GRM8: variants seen among roughly 807,000 people sequenced by gnomAD.
The protein encoded by GRM8 is metabotropic glutamate receptor 8.
GRM8 carries 47 observed loss-of-function variants against 87.2 expected under a neutral mutation model. That is an observed-to-expected ratio of 0.54 (90% CI 0.43 to 0.69). GRM8 has a LOEUF of 0.69. Ranked by LOEUF, GRM8 falls within the 30% of genes least tolerant of loss-of-function variation. The probability of loss-of-function intolerance (pLI) is 0.00; values close to 1 mark genes in which losing one functional copy is unlikely to be tolerated. For synonymous variants in GRM8, 396 were observed against 404.5 expected, an observed-to-expected ratio of 0.98 and a Z score of 0.25; for missense variants, 1,019 against 1,139.2, an observed-to-expected ratio of 0.89 and a Z score of 1.52.
chr7:126,839,383 C>T (rs929631804), intron 6 of GRM8, among the ~76,000 whole-genome samples: 6 of 152,132 alleles, frequency 3.9e-5, no homozygotes, highest in Admixed American at 2.0e-4. Flanking sequence ...TTTATATGCA[C>T]ATGAATATTG....
chr7:126,643,042 G>C (rs1298885600), intron 7 of GRM8, among the ~76,000 whole-genome samples: 1 of 151,932 alleles, frequency 6.6e-6, no homozygotes, highest in Non-Finnish European at 1.5e-5. Context: ...TATAATCCCA[G>C]CATGTTGGGA....
intron 2 of GRM8, among the ~76,000 whole-genome samples, chr7:127,242,298 A>G (rs1798347762): frequency 6.6e-6 from 1 of 152,228 alleles, no homozygotes; most frequent in Non-Finnish European, 1.5e-5. Flanking sequence ...AGTTTCACTC[A>G]GTAAATTAAA....
intron 3 of GRM8, among the ~76,000 whole-genome samples, chr7:127,013,446 C>T (rs1815092113): frequency 6.8e-6 from 1 of 147,920 alleles, no homozygotes; most frequent in South Asian, 2.1e-4. Flanking sequence ...GAAAGGAAGG[C>T]AGGTGCCTGT....
At chr7:126,812,636 A>G (rs566893557) in intron 6 of GRM8, among the ~76,000 whole-genome samples, 69 of 152,102 alleles carry the variant, frequency 4.5e-4, no homozygotes, top group African/African-American at 1.6e-3. Context: ...AGTGTACTTG[A>G]ATTTTGGTAT....
At chr7:126,513,094 T>C (rs1387958172) in intron 9 of GRM8, among the ~76,000 whole-genome samples, 1 of 152,122 alleles carries the variant, frequency 6.6e-6, no homozygotes, top group African/African-American at 2.4e-5. Context: ...TTTCAGACAA[T>C]GGAATTATTT....
At chr7:127,033,730 T>C (rs1475614769) in intron 3 of GRM8, among the ~76,000 whole-genome samples, 1 of 152,134 alleles carries the variant, frequency 6.6e-6, no homozygotes, top group Non-Finnish European at 1.5e-5. Flanking sequence ...AGAAGGGACT[T>C]TCCTAAGTAT....
At chr7:127,011,124 T>C (rs1253072557) in intron 3 of GRM8, among the ~76,000 whole-genome samples, 2 of 152,148 alleles carry the variant, frequency 1.3e-5, no homozygotes, top group East Asian at 3.9e-4. Context: ...AGGAGACATT[T>C]CTTTTGACCA....
At chr7:126,898,649 A>G (rs1172189163) in intron 6 of GRM8, among the ~76,000 whole-genome samples, 1 of 152,248 alleles carries the variant, frequency 6.6e-6, no homozygotes, top group Non-Finnish European at 1.5e-5. Context: ...CATGCCACAG[A>G]ATCTGGATTC....
At chr7:127,034,463 T>C (rs1021620714) in intron 3 of GRM8, among the ~76,000 whole-genome samples, 2 of 152,120 alleles carry the variant, frequency 1.3e-5, no homozygotes, top group South Asian at 4.1e-4. Flanking sequence ...ACTTAAGAGG[T>C]AAAGCAGCTA....
At chr7:126,507,770 GAGCTTGTC>G (rs1562896208) in intron 9 of GRM8, among the ~76,000 whole-genome samples, 34 of 151,822 alleles carry the variant, frequency 2.2e-4, no homozygotes, top group Non-Finnish European at 4.3e-4. Flanking sequence ...CTTCTTTTTC[GAGCTTGTC>G]TATTCTTTTA....
intron 7 of GRM8, among the ~76,000 whole-genome samples, chr7:126,735,922 T>C (rs1391758540): frequency 6.6e-6 from 1 of 152,056 alleles, no homozygotes; most frequent in African/African-American, 2.4e-5. Flanking sequence ...TTTCTTTCCC[T>C]GGATGAGAAT....
At chr7:126,698,644 A>G (rs190669573) in intron 7 of GRM8, among the ~76,000 whole-genome samples, 2 of 152,186 alleles carry the variant, frequency 1.3e-5, no homozygotes, top group Non-Finnish European at 2.9e-5. Flanking sequence ...ACCTTTCCTA[A>G]TCAAGCTATT....
chr7:126,836,831 T>G (rs1795859399), intron 6 of GRM8, among the ~76,000 whole-genome samples: 1 of 152,216 alleles, frequency 6.6e-6, no homozygotes, highest in Non-Finnish European at 1.5e-5. Context: ...ACCATAAGAT[T>G]TCTGAAGTCT....
At chr7:127,036,831 C>T (rs565998521) in intron 3 of GRM8, among the ~76,000 whole-genome samples, 19 of 152,160 alleles carry the variant, frequency 1.2e-4, no homozygotes, top group African/African-American at 2.2e-4. Context: ...CTGGATCCTA[C>T]GGCATTTTCA....
chr7:126,568,536 ATTAT>A (rs1310617886), intron 8 of GRM8, among the ~76,000 whole-genome samples: 6 of 152,060 alleles, frequency 3.9e-5, no homozygotes, highest in African/African-American at 1.4e-4. Flanking sequence ...TCTGCAGACT[ATTAT>A]TTAAACTTCA....
chr7:126,464,625 G>A (rs1447542825), intron 9 of GRM8, among the ~76,000 whole-genome samples: 2 of 151,308 alleles, frequency 1.3e-5, no homozygotes, highest in South Asian at 4.2e-4. Context: ...ATTTTTCATT[G>A]TTTATCTGTT....
At chr7:126,971,673 C>T (rs1456584957) in intron 3 of GRM8, among the ~76,000 whole-genome samples, 1 of 152,220 alleles carries the variant, frequency 6.6e-6, no homozygotes, top group East Asian at 1.9e-4. Flanking sequence ...AACTAATATC[C>T]ATTTATAAGA....
At chr7:126,974,986 G>GTGA (rs1810838408) in intron 3 of GRM8, among the ~76,000 whole-genome samples, 1 of 136,806 alleles carries the variant, frequency 7.3e-6, no homozygotes, top group Non-Finnish European at 1.5e-5. Context: ...CTTAGTCAAT[G>GTGA]TGACAGCTGC....
chr7:126,594,781 A>C (rs758829458), intron 8 of GRM8, among the ~76,000 whole-genome samples: 8 of 152,158 alleles, frequency 5.3e-5, no homozygotes, highest in Non-Finnish European at 1.0e-4. Flanking sequence ...AGCTAGATTT[A>C]AGCATTCCAC....
Sources: gnomAD v4.1 joint callset for allele counts (sites outside exome capture counted in the v4.1 genomes callset) on GRCh38, gnomAD v4.1.1 for gene constraint, MANE v1.5 for transcripts, NCBI Gene and HGNC (gene_info 2026-07-23, HGNC 2026-07-21) for gene names.